The following PLCB4 variants were observed in gnomAD, a reference collection of about 807,000 sequenced individuals.
PLCB4 encodes 1-phosphatidylinositol 4,5-bisphosphate phosphodiesterase beta-4.
Under a neutral mutation model 178.8 loss-of-function variants are expected in PLCB4, and 77 were observed. That is an observed-to-expected ratio of 0.43 (90% CI 0.36 to 0.52). The LOEUF (loss-of-function observed/expected upper bound fraction) is 0.52, where lower values mean the gene tolerates loss of function less well. Ranked by LOEUF, PLCB4 falls within the 20% of genes least tolerant of loss-of-function variation. The pLI, the probability that PLCB4 is intolerant of heterozygous loss-of-function variation, is 0.00. For missense variants in PLCB4, 1,024 were observed against 1,453.4 expected, an observed-to-expected ratio of 0.70 and a Z score of 4.80; for synonymous variants, 496 against 490.8, an observed-to-expected ratio of 1.01 and a Z score of -0.14.
chr20:9,072,732 G>A (rs2089633437), intron 1 of PLCB4, among the ~76,000 whole-genome samples: 1 of 152,134 alleles, frequency 6.6e-6, no homozygotes. Context: ...TGCTGAAGGC[G>A]TAACCCAAGT....
intron 3 of PLCB4, among the ~76,000 whole-genome samples, chr20:9,263,569 A>G (rs1239545826): frequency 1.3e-5 from 2 of 152,162 alleles, no homozygotes; most frequent in Admixed American, 6.5e-5. Context: ...CTTTTGAGAA[A>G]TGCTAATTAG....
At chr20:9,474,540 G>A (rs1458560218) in intron 38 of PLCB4, among the ~76,000 whole-genome samples, 2 of 152,066 alleles carry the variant, frequency 1.3e-5, no homozygotes, top group Non-Finnish European at 2.9e-5. Context: ...ATATGTACTT[G>A]TGCCACATTA....
At chr20:9,139,312 C>T (rs935008636) in intron 2 of PLCB4, among the ~76,000 whole-genome samples, 2 of 152,078 alleles carry the variant, frequency 1.3e-5, no homozygotes, top group Non-Finnish European at 2.9e-5. Context: ...CTGGGCTCAG[C>T]TGGGCAGTTC....
chr20:9,406,596 C>G (rs1008497225), intron 21 of PLCB4, among the ~76,000 whole-genome samples: 1 of 151,706 alleles, frequency 6.6e-6, no homozygotes, highest in South Asian at 2.1e-4. Context: ...TCACTTCATT[C>G]GCCATTCTCC....
At chr20:9,188,014 T>C (rs907524974) in intron 2 of PLCB4, among the ~76,000 whole-genome samples, 2 of 152,256 alleles carry the variant, frequency 1.3e-5, no homozygotes, top group African/African-American at 4.8e-5. Flanking sequence ...ATCTAGAAGA[T>C]AACATTCACA....
At chr20:9,342,279 A>T (rs1339070966) in intron 7 of PLCB4, among the ~76,000 whole-genome samples, 1 of 152,220 alleles carries the variant, frequency 6.6e-6, no homozygotes, top group Non-Finnish European at 1.5e-5. Flanking sequence ...CTCAGTTCGA[A>T]ATGATGGCAG....
rs538569065 is a variant in PLCB4, at chr20:9,205,724, A to G, written c.-78-11666A>G. On this transcript the variant is annotated intron_variant, in intron 2 of 39. Coordinates refer to ENST00000378473, the MANE Select transcript of PLCB4 (RefSeq NM_001377142.1). ...AATTCATTATGACACGACCACAGTC[A>G]GAAATGGAATTCCATCCCAAGGATC... 2.1e-3 allele frequency among the ~76,000 whole-genome samples: 324 copies of G among 152,336 alleles called. 1 individual carries two copies. Among genetic ancestry groups the G allele is most frequent in the Non-Finnish European group, 3.6e-3 (246 of 68,022 alleles).
intron 15 of PLCB4, among the ~76,000 whole-genome samples, chr20:9,387,778 A>C (rs2037800789): frequency 1.3e-5 from 2 of 152,244 alleles, no homozygotes; most frequent in Admixed American, 1.3e-4. Flanking sequence ...TTACATAACA[A>C]GGTTTCTCTG....
intron 3 of PLCB4, among the ~76,000 whole-genome samples, chr20:9,278,527 G>T (rs555680071): frequency 1.3e-5 from 2 of 152,112 alleles, no homozygotes; most frequent in African/African-American, 4.8e-5. Context: ...AAAAATGTTT[G>T]CTTATTAATT....
intron 17 of PLCB4, among the ~76,000 whole-genome samples, chr20:9,391,560 A>C (rs978834390): frequency 6.6e-6 from 1 of 152,166 alleles, no homozygotes; most frequent in Non-Finnish European, 1.5e-5. Flanking sequence ...GGAACTGAAA[A>C]AAAATATGAG....
intron 11 of PLCB4, among the ~76,000 whole-genome samples, chr20:9,372,668 G>C (rs1244055497): frequency 1.3e-5 from 2 of 151,770 alleles, no homozygotes; most frequent in East Asian, 3.9e-4. Context: ...TGCTCCTTTA[G>C]GTATTAACCC....
intron 28 of PLCB4, among the ~76,000 whole-genome samples, chr20:9,427,602 G>A (rs989842401): frequency 6.6e-6 from 1 of 152,204 alleles, no homozygotes. Flanking sequence ...ATCTGTGGGT[G>A]CCAACGCCAC....
intron 2 of PLCB4, among the ~76,000 whole-genome samples, chr20:9,117,102 A>G (rs2091806049): frequency 6.6e-6 from 1 of 152,198 alleles, no homozygotes; most frequent in Non-Finnish European, 1.5e-5. Context: ...TTTCTTCTGT[A>G]GAGAATTCTA....
At chr20:9,469,765 C>T (rs1171949018) in intron 36 of PLCB4, among the ~76,000 whole-genome samples, 5 of 152,182 alleles carry the variant, frequency 3.3e-5, no homozygotes, top group Non-Finnish European at 7.3e-5. Flanking sequence ...ATAGAAGGTG[C>T]CAAGTGCAAG....
intron 25 of PLCB4, among the ~76,000 whole-genome samples, chr20:9,414,938 C>T (rs932994257): frequency 6.6e-6 from 1 of 152,174 alleles, no homozygotes; most frequent in African/African-American, 2.4e-5. Context: ...ACAGGCCGTA[C>T]GTTCTAAGAA....
At chr20:9,450,391 G>A (rs1018110476) in intron 32 of PLCB4, among the ~76,000 whole-genome samples, 1 of 152,158 alleles carries the variant, frequency 6.6e-6, no homozygotes, top group Non-Finnish European at 1.5e-5. Flanking sequence ...GAAAGGACAA[G>A]TGGTGTCTGG....
In PLCB4 at chr20:9,435,532, C is replaced by T. The variant is rs201753793; in HGVS notation, c.2525-28C>T. 5.9e-5 allele frequency: 74 copies of T among 1,247,104 alleles called. 1 individual carries two copies. Among genetic ancestry groups the T allele is most frequent in the East Asian group, 4.6e-4 (20 of 43,082 alleles). 77.3% of individuals were successfully genotyped at this position (1,247,104 alleles called of 1,614,324 possible). ...TATTTTCAGTAAAACAGAGAATTAA[C>T]GGCTCATTGGGTTTTTTTTTCCCCT... is the stretch of plus-strand genomic sequence containing the variant. On this transcript the variant is annotated intron_variant, in intron 28 of 39. Transcript: ENST00000378473.
chr20:9,099,048 T>A (rs566841958), intron 2 of PLCB4, among the ~76,000 whole-genome samples: 1 of 152,130 alleles, frequency 6.6e-6, no homozygotes, highest in East Asian at 1.9e-4. Context: ...TTTATTATAA[T>A]GTATTTTCTT....
chr20:9,302,628 C>T (rs541250184), intron 3 of PLCB4, among the ~76,000 whole-genome samples: 1 of 152,268 alleles, frequency 6.6e-6, no homozygotes, highest in African/African-American at 2.4e-5. Context: ...AATGAACTTT[C>T]ACCTCCACTG....
Sources: allele counts gnomAD v4.1 joint callset (sites outside exome capture counted in the v4.1 genomes callset), GRCh38; gene constraint gnomAD v4.1.1; transcripts MANE v1.5; gene names NCBI Gene and HGNC (gene_info 2026-07-23, HGNC 2026-07-21).